The following SLCO6A1 variants were observed in gnomAD, a reference collection of about 807,000 sequenced individuals.
SLCO6A1 encodes cancer/testis antigen 48.
In SLCO6A1, 65 loss-of-function variants were observed where a neutral mutation model predicts 72.7. The ratio of observed to expected loss-of-function variants is 0.89; its 90% CI spans 0.73 to 1.10. The LOEUF is 1.10. Among genes scored for constraint, SLCO6A1 ranks in the 50% least tolerant of loss-of-function variants. The pLI, the probability that SLCO6A1 is intolerant of heterozygous loss-of-function variation, is 0.00. For missense variants in SLCO6A1, 874 were observed against 872.6 expected, an observed-to-expected ratio of 1.00 and a Z score of -0.02; for synonymous variants, 314 against 298.2, an observed-to-expected ratio of 1.05 and a Z score of -0.55.
intron 12 of SLCO6A1, among the ~76,000 whole-genome samples, chr5:102,377,065 G>A (rs1250399192): frequency 6.6e-6 from 1 of 152,134 alleles, no homozygotes; most frequent in Non-Finnish European, 1.5e-5. Flanking sequence ...TCTGGAGACT[G>A]AGGCAGGAGG....
intron 8 of SLCO6A1, among the ~76,000 whole-genome samples, chr5:102,418,438 C>T (rs1198714334): frequency 2.6e-5 from 4 of 151,990 alleles, no homozygotes; most frequent in Admixed American, 6.6e-5. Context: ...CAGATGCCCT[C>T]CTTTGGGGAC....
At chr5:102,459,895 G>C in intron 4 of SLCO6A1, 118 bp from the exon 5 acceptor site, 2 of 790,082 alleles carry the variant, frequency 2.5e-6, no homozygotes, top group Non-Finnish European at 3.7e-6. Flanking sequence ...GAGTGAGACA[G>C]AAATGGAACT....
At chr5:102,391,194 T>C (rs936356026) in intron 10 of SLCO6A1, 149 bp from the exon 11 acceptor site, 8 of 688,000 alleles carry the variant, frequency 1.2e-5, no homozygotes, top group Non-Finnish European at 2.0e-5. Flanking sequence ...AGCTGGCCTG[T>C]TAAAGGACTA....
At chr5:102,409,800 G>A (rs772340670) in intron 9 of SLCO6A1, among the ~76,000 whole-genome samples, 3 of 152,230 alleles carry the variant, frequency 2.0e-5, no homozygotes, top group Admixed American at 1.3e-4. Context: ...AGAGTTTCAT[G>A]AAATAAATAA....
intron 10 of SLCO6A1, chr5:102,391,355 G>A (rs758301674): frequency 1.4e-5 from 4 of 284,888 alleles, no homozygotes; most frequent in Admixed American, 4.9e-5. Context: ...TATACTTACC[G>A]GTTTTCATTC....
At chr5:102,421,981 G>C (rs1561448048) in intron 7 of SLCO6A1, among the ~76,000 whole-genome samples, 3 of 152,220 alleles carry the variant, frequency 2.0e-5, no homozygotes. Flanking sequence ...AGGCAAACAG[G>C]GTCTGGAGTG....
At chr5:102,494,894 C>A (rs1752839888) in intron 1 of SLCO6A1, among the ~76,000 whole-genome samples, 1 of 152,156 alleles carries the variant, frequency 6.6e-6, no homozygotes, top group African/African-American at 2.4e-5. Flanking sequence ...TCCTAGTTAT[C>A]TATCCAACAG....
rs564396022 is a variant in SLCO6A1 at position 102,405,090 on chromosome 5, T to C, written c.1627-5348A>G. On this transcript the variant is annotated intron_variant, in intron 9 of 13. Coordinates refer to ENST00000506729, the MANE Select transcript of SLCO6A1 (RefSeq NM_173488.5). ...ATTTTACAGCATTTAAAATAATTAG[T>C]GAGAGTCCCTTTTCTGACATAATTT... Among the ~76,000 whole-genome samples, 25 of 152,142 alleles carry C rather than the reference T, an allele frequency of 1.6e-4. 1 individual carries two copies. The highest frequency in any genetic ancestry group is 2.6e-4 in the Non-Finnish European group (18 of 68,014).
At chr5:102,384,472 G>A (rs1033343964) in intron 12 of SLCO6A1, among the ~76,000 whole-genome samples, 12 of 151,708 alleles carry the variant, frequency 7.9e-5, no homozygotes, top group Admixed American at 6.6e-5. Context: ...GTGGCAGTAC[G>A]CTTTTCTAAA....
intron 7 of SLCO6A1, among the ~76,000 whole-genome samples, chr5:102,423,211 T>C (rs1273080496): frequency 6.6e-6 from 1 of 152,036 alleles, no homozygotes; most frequent in Non-Finnish European, 1.5e-5. Context: ...AGAAACTCCA[T>C]CAACTACTGT....
rs2112511792 is a variant in SLCO6A1 at position 102,388,819 on chromosome 5, A to G, written c.1886T>C (p.Ile629Thr). The change falls in exon 12 of 14, where the codon ATT becomes ACT. Residue 629 changes from isoleucine to threonine, a missense_variant. By Grantham distance (89) the Ile-to-Thr change is moderately conservative (BLOSUM62 -1). Transcript: ENST00000506729. ...SYVILRIFGTIPGPSIFKMSG... is the reference protein window; with the variant it reads ...SYVILRIFGTTPGPSIFKMSG... ...CATTTTAAAGATTGATGGTCCAGGA[A>G]TAGTCCCTATGAAAAATGCAATGAT... is the stretch of plus-strand genomic sequence containing the variant. 6.3e-7 allele frequency: 1 copy of G among 1,595,004 alleles called. No individual in the cohort carries two copies. The highest frequency in any genetic ancestry group is 2.3e-5 in the East Asian group (1 of 44,216).
At chr5:102,428,949 C>T (rs1026600925) in intron 7 of SLCO6A1, among the ~76,000 whole-genome samples, 9 of 152,110 alleles carry the variant, frequency 5.9e-5, no homozygotes, top group Admixed American at 4.6e-4. Flanking sequence ...TCTGCAACCT[C>T]GCCAGCACTT....
intron 5 of SLCO6A1, among the ~76,000 whole-genome samples, chr5:102,458,926 A>T (rs1750880406): frequency 6.6e-6 from 1 of 152,206 alleles, no homozygotes; most frequent in Non-Finnish European, 1.5e-5. Flanking sequence ...CTTTGACTTT[A>T]CATGTATTTT....
chr5:102,387,841 C>A (rs773889600), intron 12 of SLCO6A1, among the ~76,000 whole-genome samples: 1 of 152,066 alleles, frequency 6.6e-6, no homozygotes, highest in Non-Finnish European at 1.5e-5. Context: ...AGTACAATAT[C>A]CTCATTTAAC....
At chr5:102,461,536 C>G (rs1405123566) in intron 4 of SLCO6A1, among the ~76,000 whole-genome samples, 2 of 151,882 alleles carry the variant, frequency 1.3e-5, no homozygotes, top group African/African-American at 4.8e-5. Flanking sequence ...GCTTTAGTAA[C>G]TAAAATATTG....
intron 4 of SLCO6A1, among the ~76,000 whole-genome samples, chr5:102,466,160 C>G (rs982959708): frequency 6.6e-6 from 1 of 151,948 alleles, no homozygotes; most frequent in African/African-American, 2.4e-5. Flanking sequence ...GATGCTTTTT[C>G]TGATCCTTTT....
intron 12 of SLCO6A1, among the ~76,000 whole-genome samples, chr5:102,384,747 T>C (rs1746312341): frequency 6.6e-6 from 1 of 152,158 alleles, no homozygotes; most frequent in African/African-American, 2.4e-5. Flanking sequence ...ATCACTATTA[T>C]AGTAATAGAG....
At chr5:102,479,152 C>T (rs1279276680) in intron 2 of SLCO6A1, among the ~76,000 whole-genome samples, 1 of 152,050 alleles carries the variant, frequency 6.6e-6, no homozygotes, top group East Asian at 1.9e-4. Flanking sequence ...GAGCAGATTT[C>T]CCCCTTGCTG....
intron 12 of SLCO6A1, among the ~76,000 whole-genome samples, chr5:102,380,440 T>C (rs951591204): frequency 6.6e-6 from 1 of 152,028 alleles, no homozygotes; most frequent in Non-Finnish European, 1.5e-5. Context: ...TGCAACTAAT[T>C]TTTATTAATA....
Sources: gnomAD v4.1 joint callset for allele counts (sites outside exome capture counted in the v4.1 genomes callset) on GRCh38, gnomAD v4.1.1 for gene constraint, MANE v1.5 for transcripts, NCBI Gene and HGNC (gene_info 2026-07-23, HGNC 2026-07-21) for gene names.